DNAH9: variants seen among roughly 807,000 people sequenced by gnomAD.
DNAH9 encodes the protein DNAH9 variant protein.
A neutral mutation model predicts 471.6 loss-of-function variants in DNAH9; 345 were observed. The ratio of observed to expected loss-of-function variants is 0.73; its 90% CI spans 0.67 to 0.80. The LOEUF is 0.80. Among genes scored for constraint, DNAH9 ranks in the 30% least tolerant of loss-of-function variants. The probability of loss-of-function intolerance (pLI) is 0.00; values close to 1 mark genes in which losing one functional copy is unlikely to be tolerated. For synonymous variants in DNAH9, 2,093 were observed against 2,123.6 expected (o/e 0.99, Z 0.40); for missense variants, 5,407 against 5,609.2 (o/e 0.96, Z 1.15).
rs563544881 is a variant in DNAH9 at position 11,762,770 on chromosome 17, G to GTTTTTTTTTTTTTTTTTT, written c.6996-660_6996-643dup. 1.2e-4 allele frequency among the ~76,000 whole-genome samples: 11 copies of GTTTTTTTTTTTTTTTTTT among 90,794 alleles called. 1 individual carries two copies. The highest frequency in any genetic ancestry group is 3.3e-4 in the East Asian group (1 of 3,030). 59.6% of individuals were successfully genotyped at this position (90,794 alleles called of 152,430 possible). ...CCTCTTTAGGTGCGTTTTTTTTTTT[G>GTTTTTTTTTTTTTTTTTT]TTTTTTTTTTTTTTTTTTTTTTTTT... On this transcript the variant is annotated intron_variant, in intron 35 of 68. Transcript: ENST00000262442.
chr17:11,819,459 G>T (rs140878140), intron 45 of DNAH9, among the ~76,000 whole-genome samples: 116 of 151,572 alleles, frequency 7.7e-4, no homozygotes, highest in Non-Finnish European at 1.4e-3. Context: ...GCTCTGAAGC[G>T]CAGGCTGGAG....
chr17:11,689,421 C>T (rs904539465), intron 19 of DNAH9, 145 bp from the exon 20 acceptor site: 12 of 695,508 alleles, frequency 1.7e-5, no homozygotes, highest in African/African-American at 5.4e-5. Flanking sequence ...TATTTGCTTT[C>T]GTGAAAAGAA....
Position 11,822,981 on chromosome 17 carries a change from A to G in DNAH9, c.9193A>G (p.Lys3065Glu), listed in dbSNP as rs753659846. 1.2e-6 allele frequency: 2 copies of G among 1,614,170 alleles called. No homozygotes were observed. The highest frequency in any genetic ancestry group is 1.7e-6 in the Non-Finnish European group (2 of 1,180,020). The change falls in exon 48 of 69, where the codon AAG (lysine) becomes GAG (glutamate). Residue 3065 changes from lysine to glutamate, a missense_variant. Transcript: ENST00000262442. ...CAGGCACAGAAAAGAGCTCAAGTGC[A>G]AGACAGAGCGGTTGGAGAACGGGCT... is the stretch of plus-strand genomic sequence containing the variant. ...LHRHRKELKCKTERLENGLLK... is the reference protein window; with the variant it reads ...LHRHRKELKCETERLENGLLK...
rs934836545 is a variant in DNAH9, at chr17:11,947,844, C to T, written c.12843+5359C>T. On this transcript the variant is annotated intron_variant, in intron 67 of 68. Transcript: ENST00000262442. The stretch of plus-strand genomic sequence containing the variant: ...TTGCCCAGGCTGGAGTGCAGTAGTG[C>T]GATCTCAGCTCACTGCAACCTCTGT... Among the ~76,000 whole-genome samples the T allele has an allele frequency of 3.6e-4, 47 of 129,768 alleles. No individual in the cohort carries two copies. In the South Asian group the frequency reaches 5.7e-3, roughly 16 times the overall value. 85.1% of individuals were successfully genotyped at this position (129,768 alleles called of 152,430 possible).
rs988933578 is a variant in DNAH9, at chr17:11,961,791, A to G, written c.12844-76A>G. The G allele has an allele frequency of 5.4e-5, 81 of 1,507,370 alleles. 1 individual carries two copies. The highest frequency in any genetic ancestry group is 6.9e-5 in the Non-Finnish European group (77 of 1,123,948). The allele number at this position is 1,507,370 out of a possible 1,614,324, so 93.4% of individuals were successfully genotyped here. A position where few individuals can be genotyped will look rare whatever the true frequency, so the allele number is the denominator to read the frequency against. On this transcript the variant is annotated intron_variant, in intron 67 of 68. Coordinates refer to ENST00000262442, the MANE Select transcript of DNAH9 (RefSeq NM_001372.4). ...CTTGTCTGCCTGGGTGCCATGAGCC[A>G]GGGGTCTCTGAGGCCAGGTGTTTTC...
chr17:11,744,893 C>G lies in DNAH9; in HGVS notation c.6208C>G (p.Leu2070Val). 6.2e-7 allele frequency: 1 copy of G among 1,614,198 alleles called. No individual in the cohort carries two copies. The highest frequency in any genetic ancestry group is 8.5e-7 in the Non-Finnish European group (1 of 1,180,032). Residue 2070 changes from leucine to valine, a missense_variant, in exon 31 of 69, where the codon CTG becomes GTG. This residue lies in a region of DNAH9 where 4,636 missense variants were observed against 4,900.3 expected (regional missense o/e 0.95). Transcript: ENST00000262442. Reference sequence around the variant, plus strand: ...CCCTGACCGGCCTGAGGACCAGGTCCTGATGCGCTCCTTGCGGGATTTCAA... The same window carrying G: ...CCCTGACCGGCCTGAGGACCAGGTCGTGATGCGCTCCTTGCGGGATTTCAA... Reference protein sequence around the residue: ...GDPDRPEDQVLMRSLRDFNIP... With the variant: ...GDPDRPEDQVVMRSLRDFNIP...
intron 38 of DNAH9, among the ~76,000 whole-genome samples, chr17:11,775,518 A>G (rs1376194663): frequency 6.6e-6 from 1 of 151,160 alleles, no homozygotes; most frequent in East Asian, 1.9e-4. Context: ...CAATCCCTAG[A>G]GGTCTCCAGG....
At chr17:11,640,444 C>G in intron 10 of DNAH9, 60 bp downstream of exon 10, 1 of 1,146,888 alleles carries the variant, frequency 8.7e-7, no homozygotes, top group South Asian at 1.2e-5. Flanking sequence ...GCTCTAGAAT[C>G]TGAGTGTTGT....
intron 41 of DNAH9, among the ~76,000 whole-genome samples, chr17:11,791,438 G>A (rs1156776697): frequency 1.3e-5 from 2 of 152,230 alleles, no homozygotes; most frequent in African/African-American, 4.8e-5. Context: ...GACAACGGGT[G>A]AGGTGGCTCT....
chr17:11,922,751 T>G (rs1249955103), intron 61 of DNAH9, among the ~76,000 whole-genome samples: 1 of 152,132 alleles, frequency 6.6e-6, no homozygotes, highest in Non-Finnish European at 1.5e-5. Flanking sequence ...GGAGAGGAGG[T>G]TAATAGGGCA....
chr17:11,952,188 G>A (rs983849869), intron 67 of DNAH9, among the ~76,000 whole-genome samples: 2 of 144,784 alleles, frequency 1.4e-5, no homozygotes, highest in South Asian at 4.3e-4. Flanking sequence ...TGCCCAGGCT[G>A]GAGTTCAGTG....
At chr17:11,606,024 T>C (rs1005123947) in intron 1 of DNAH9, among the ~76,000 whole-genome samples, 6 of 152,122 alleles carry the variant, frequency 3.9e-5, no homozygotes, top group African/African-American at 9.7e-5. Flanking sequence ...CCTAGGAAAA[T>C]TCCAGTTCAT....
intron 48 of DNAH9, among the ~76,000 whole-genome samples, chr17:11,824,771 C>A (rs1970428060): frequency 6.6e-6 from 1 of 151,900 alleles, no homozygotes; most frequent in Admixed American, 6.6e-5. Flanking sequence ...GCCTGTTTTT[C>A]TGCTACAGTT....
Position 11,647,171 on chromosome 17 carries a change from G to A in DNAH9, c.2070G>A (p.Lys690=). Residue 690 remains lysine, a synonymous_variant, in exon 12 of 69, where the codon AAG becomes AAA. Coordinates refer to ENST00000262442, the MANE Select transcript of DNAH9 (RefSeq NM_001372.4). ...QPLLKRDPET[K]EITINFNPQL... ...TTCTAAAACGTGACCCAGAGACGAAGGAGATCACTATCAACTTTAACCCAC... is the reference window on the plus strand; with the variant it reads ...TTCTAAAACGTGACCCAGAGACGAAAGAGATCACTATCAACTTTAACCCAC... 1 of 1,614,024 alleles carries A rather than the reference G, an allele frequency of 6.2e-7. No individual in the cohort carries two copies. Among genetic ancestry groups the A allele is most frequent in the Non-Finnish European group, 8.5e-7 (1 of 1,179,934 alleles).
intron 49 of DNAH9, among the ~76,000 whole-genome samples, chr17:11,837,178 T>A (rs546930751): frequency 4.6e-5 from 7 of 152,224 alleles, no homozygotes; most frequent in Non-Finnish European, 1.5e-5. Context: ...TTAATTTGAT[T>A]AATTGATAGA....
intron 26 of DNAH9, among the ~76,000 whole-genome samples, chr17:11,705,846 A>G (rs1420510048): frequency 6.6e-6 from 1 of 152,198 alleles, no homozygotes; most frequent in Non-Finnish European, 1.5e-5. Flanking sequence ...TACCCCATAA[A>G]TATGTCAAAT....
Position 11,822,818 on chromosome 17 carries a change from G to A in DNAH9, c.9030G>A (p.Ser3010=), listed in dbSNP as rs149775962. 4.9e-5 allele frequency: 79 copies of A among 1,614,188 alleles called. No individual in the cohort carries two copies. The African/African-American group carries it at 6.7e-4, about 14-fold the overall frequency. Residue 3010 remains serine, a synonymous_variant, in exon 48 of 69, where the codon TCG becomes TCA. Coordinates refer to ENST00000262442, the MANE Select transcript of DNAH9 (RefSeq NM_001372.4). ...TEGIEPTVKQ[S]ISKFMAFVHT... Reference sequence around the variant, plus strand: ...GGTTTTAGCCCACAGTAAAGCAGTCGATTAGCAAATTCATGGCCTTTGTCC... The same window carrying A: ...GGTTTTAGCCCACAGTAAAGCAGTCAATTAGCAAATTCATGGCCTTTGTCC...
chr17:11,880,053 C>T, intron 53 of DNAH9, 25 bp from the exon 54 acceptor site: 1 of 1,613,126 alleles, frequency 6.2e-7, no homozygotes, highest in South Asian at 1.1e-5. Flanking sequence ...GTCTCATACT[C>T]CCGGACTCAT....
intron 27 of DNAH9, among the ~76,000 whole-genome samples, chr17:11,722,657 T>C (rs1417098180): frequency 6.6e-6 from 1 of 152,020 alleles, no homozygotes; most frequent in Non-Finnish European, 1.5e-5. Flanking sequence ...CTCAGTTAGC[T>C]CATGAGGACT....
Sources: allele counts gnomAD v4.1 joint callset (sites outside exome capture counted in the v4.1 genomes callset), GRCh38; gene constraint gnomAD v4.1.1; regional missense constraint gnomAD v4.1.1; transcripts MANE v1.5; gene names NCBI Gene and HGNC (gene_info 2026-07-23, HGNC 2026-07-21).